ZNF462: variants seen among roughly 807,000 people sequenced by gnomAD.
ZNF462 encodes zinc finger protein 462, also known as zinc finger PBX1-interacting protein.
In ZNF462, 10 loss-of-function variants were observed where a neutral mutation model predicts 201.9. The ratio of observed to expected loss-of-function variants is 0.05; its 90% confidence interval spans 0.03 to 0.08. The LOEUF is 0.08. ZNF462 is among the 10% of genes least tolerant of loss of function. The pLI, the probability that ZNF462 is intolerant of heterozygous loss-of-function variation, is 1.00. For missense variants in ZNF462, 2,523 were observed against 3,168.3 expected, an observed-to-expected ratio of 0.80 and a Z score of 4.89; for synonymous variants, 1,227 against 1,193.3, an observed-to-expected ratio of 1.03 and a Z score of -0.58.
chr9:106,929,103 G>T lies in ZNF462; in HGVS notation c.5191G>T (p.Ala1731Ser). The change falls in exon 3 of 13, where the codon GCA becomes TCA. Residue 1731 changes from alanine to serine, a missense_variant. This residue lies in a region of ZNF462 where 207 missense variants were observed against 231.6 expected (regional missense o/e 0.89). Transcript: ENST00000277225. The surrounding 1 kb of genome is among the most constrained non-coding windows in gnomAD (Gnocchi z 8.7). ...TGATGCGTATTACACTCACTGCTTG[G>T]CAGCCTCCAGGACCATCAGCGACAA... ...DIDAYYTHCL[A>S]ASRTISDKPN... 6.2e-7 allele frequency: 1 copy of T among 1,614,080 alleles called. No homozygotes were observed. The highest frequency in any genetic ancestry group is 8.5e-7 in the Non-Finnish European group (1 of 1,180,012).
rs373119220 is a variant in ZNF462, at chr9:107,003,661, T to C, written c.7189+235T>C. Among the ~76,000 whole-genome samples, 13 of 152,164 alleles carry C rather than the reference T, an allele frequency of 8.5e-5. No individual in the cohort carries two copies. The highest frequency in any genetic ancestry group is 3.1e-4 in the African/African-American group (13 of 41,444). ...CTCCCTAATTATAGATATATGTTTG[T>C]TGAAAAATAGATGGCAGTGATTTGT... On this transcript the variant is annotated intron_variant, in intron 11 of 12. Transcript: ENST00000277225. The surrounding 1 kb of genome is among the most constrained non-coding windows in gnomAD (Gnocchi z 4.4).
In ZNF462 at chr9:106,962,192, A is replaced by C. The variant is rs1322901265; in HGVS notation, c.6428-9813A>C. 6.6e-6 allele frequency among the ~76,000 whole-genome samples: 1 copy of C among 152,096 alleles called. No homozygotes were observed. The highest frequency in any genetic ancestry group is 1.5e-5 in the Non-Finnish European group (1 of 67,980). On this transcript the variant is annotated intron_variant, in intron 7 of 12. Coordinates refer to ENST00000277225, the MANE Select transcript of ZNF462 (RefSeq NM_021224.6). The surrounding 1 kb of genome is among the most constrained non-coding windows in gnomAD (Gnocchi z 4.6). ...ATGTTGCAGTAGAAGTTCACACAGC[A>C]ACCACGAGGGCCTGAACAAAAGCCA... is the stretch of plus-strand genomic sequence containing the variant.
At chr9:106,980,343 C>T (rs1160775423) in intron 9 of ZNF462, among the ~76,000 whole-genome samples, 1 of 152,190 alleles carries the variant, frequency 6.6e-6, no homozygotes, top group African/African-American at 2.4e-5. Flanking sequence ...ACTCAGTCCT[C>T]TAGAGTGGCA....
chr9:106,897,411 T>G (rs539936527), intron 1 of ZNF462, among the ~76,000 whole-genome samples: 2 of 152,290 alleles, frequency 1.3e-5, no homozygotes, highest in East Asian at 1.9e-4. Context: ...CAAGATAACT[T>G]TGTCTACACT....
rs747154968 is a variant in ZNF462 at position 106,925,002 on chromosome 9, C to T, written c.1090C>T (p.Arg364Cys). Reference protein sequence around the residue: ...SGLVNLTERSRYGMTDMTNSS... With the variant: ...SGLVNLTERSCYGMTDMTNSS... ...TCTAGTTAACTTGACAGAGAGATCC[C>T]GTTATGGAATGACTGACATGACCAA... is the stretch of plus-strand genomic sequence containing the variant. Residue 364 changes from arginine (R) to cysteine (C), a missense_variant, in exon 3 of 13, where the codon CGT becomes TGT. Around this residue, in one of 15 missense-constraint regions of ZNF462, gnomAD observed 480 missense variants for 544.4 expected, o/e 0.88. Transcript: ENST00000277225. The surrounding 1 kb of genome is among the most constrained non-coding windows in gnomAD (Gnocchi z 7.9). 4.0e-5 allele frequency: 65 copies of T among 1,614,040 alleles called. No homozygotes were observed. The highest frequency in any genetic ancestry group is 5.2e-5 in the Non-Finnish European group (61 of 1,180,034).
At chr9:106,995,496 G>T (rs1828636990) in intron 10 of ZNF462, 1 of 152,040 alleles carries the variant, frequency 6.6e-6, no homozygotes, top group Non-Finnish European at 1.5e-5. Context: ...GACATATTTT[G>T]TGAGTAATTT....
At chr9:106,921,923 A>G (rs1830008863) in intron 1 of ZNF462, among the ~76,000 whole-genome samples, 1 of 152,130 alleles carries the variant, frequency 6.6e-6, no homozygotes, top group Non-Finnish European at 1.5e-5. Flanking sequence ...AAAAAGGATA[A>G]ATTGCTGGGT....
rs147072501 is a variant in ZNF462 at position 106,926,147 on chromosome 9, A to G, written c.2235A>G (p.Thr745=). The change falls in exon 3 of 13, where the codon ACA becomes ACG. Residue 745 remains threonine (T), a synonymous_variant. Transcript: ENST00000277225. This position sits in a 1 kb window ranked among gnomAD's most constrained non-coding sequence, Gnocchi z 7.9. ...EVELDREEEP[T]EPIIEVPTSF... ...AGTTGGACAGGGAGGAAGAACCGACAGAACCCATCATAGAGGTTCCCACTT... is the reference window on the plus strand; with the variant it reads ...AGTTGGACAGGGAGGAAGAACCGACGGAACCCATCATAGAGGTTCCCACTT... The G allele has an allele frequency of 1.1e-5, 17 of 1,614,102 alleles. No homozygotes were observed. In the African/African-American group the frequency reaches 1.7e-4, roughly 16 times the overall value.
chr9:106,993,391 A>G lies in ZNF462; in HGVS notation c.7056+8982A>G, dbSNP rs575712338. On this transcript the variant is annotated intron_variant, in intron 10 of 12. Coordinates refer to ENST00000277225, the MANE Select transcript of ZNF462 (RefSeq NM_021224.6). The surrounding 1 kb of genome is among the most constrained non-coding windows in gnomAD (Gnocchi z 4.0). The stretch of plus-strand genomic sequence containing the variant: ...CAGAAGCCAGAGTGCAAAAGGGATA[A>G]CCATCAGAACCCTCATTTTATAGGT... Among the ~76,000 whole-genome samples the G allele has an allele frequency of 6.6e-6, 1 of 152,154 alleles. No homozygotes were observed. The highest frequency in any genetic ancestry group is 1.5e-5 in the Non-Finnish European group (1 of 68,014).
At chr9:106,997,751 C>A (rs1054768412) in intron 10 of ZNF462, among the ~76,000 whole-genome samples, 4 of 152,104 alleles carry the variant, frequency 2.6e-5, no homozygotes, top group Admixed American at 6.6e-5. Context: ...GTTGAGTAGA[C>A]CACTTGGTAC....
At chr9:106,987,928 C>T (rs1827977226) in intron 10 of ZNF462, among the ~76,000 whole-genome samples, 1 of 152,088 alleles carries the variant, frequency 6.6e-6, no homozygotes. Flanking sequence ...GTGTCCTTTC[C>T]CCACTTCATG....
At chr9:106,916,975 T>C (rs1387735891) in intron 1 of ZNF462, among the ~76,000 whole-genome samples, 2 of 152,234 alleles carry the variant, frequency 1.3e-5, no homozygotes, top group Admixed American at 6.5e-5. Context: ...TCCCTTCTCT[T>C]CTTTTATCTC....
chr9:106,919,673 T>C lies in ZNF462; in HGVS notation c.-30-3681T>C, dbSNP rs76465986. On this transcript the variant is annotated intron_variant, in intron 1 of 12. Transcript: ENST00000277225. This position sits in a 1 kb window ranked among gnomAD's most constrained non-coding sequence, Gnocchi z 4.5. ...CAAACCAGCAACGAATAAGTAGTAC[T>C]AAAGGCAGTGACTAATTAGGATGGT... 1.1e-4 allele frequency among the ~76,000 whole-genome samples: 16 copies of C among 152,310 alleles called. 1 individual carries two copies. In the East Asian group the frequency reaches 2.9e-3, roughly 28 times the overall value.
Position 106,972,348 on chromosome 9 carries a change from C to A in ZNF462, c.6695+76C>A, listed in dbSNP as rs756396080. ...CACCCCTCACTGCAGGCTTCCCTTA[C>A]ACTTTCCTACTTGGAGCTTATGGGA... On this transcript the variant is annotated intron_variant, in intron 8 of 12. Coordinates refer to ENST00000277225, the MANE Select transcript of ZNF462 (RefSeq NM_021224.6). This position sits in a 1 kb window ranked among gnomAD's most constrained non-coding sequence, Gnocchi z 4.8. 6.5e-6 allele frequency: 10 copies of A among 1,543,954 alleles called. No individual in the cohort carries two copies. The highest frequency in any genetic ancestry group is 7.0e-6 in the Non-Finnish European group (8 of 1,145,644).
rs199963299 is a variant in ZNF462, at chr9:106,923,370, G to C, written c.-14G>C. 178 of 1,613,748 alleles carry C rather than the reference G, an allele frequency of 1.1e-4. 1 individual carries two copies. In the East Asian group the frequency reaches 1.5e-3, roughly 13 times the overall value. ...CTGCCACAGGTTCCTAATGTGAGAG[G>C]CTAGACCCAGATCATGGAGGTGCTT... On this transcript the variant is annotated 5_prime_UTR_variant, in exon 2 of 13. Coordinates refer to ENST00000277225, the MANE Select transcript of ZNF462 (RefSeq NM_021224.6). The surrounding 1 kb of genome is among the most constrained non-coding windows in gnomAD (Gnocchi z 5.6).
rs960042734 is a variant in ZNF462 at position 106,880,534 on chromosome 9, G to A, written c.-31+17179G>A. ...TAGCCACATCTCCTAACCCAAGTGTGGACTTTGTGTTTGTTTATGTTAAGT... is the reference window on the plus strand; with the variant it reads ...TAGCCACATCTCCTAACCCAAGTGTAGACTTTGTGTTTGTTTATGTTAAGT... On this transcript the variant is annotated intron_variant, in intron 1 of 12. Coordinates refer to ENST00000277225, the MANE Select transcript of ZNF462 (RefSeq NM_021224.6). The surrounding 1 kb of genome is among the most constrained non-coding windows in gnomAD (Gnocchi z 4.1). Among the ~76,000 whole-genome samples the A allele has an allele frequency of 4.6e-5, 7 of 152,178 alleles. No homozygotes were observed. The highest frequency in any genetic ancestry group is 1.7e-4 in the African/African-American group (7 of 41,428).
rs531958736 is a variant in ZNF462, at chr9:106,922,172, C to T, written c.-30-1182C>T. ...ATTACATCATAAAATACATTGGCTA[C>T]GGTGTTAGTTCTTGGACATCTGGTT... On this transcript the variant is annotated intron_variant, in intron 1 of 12. Coordinates refer to ENST00000277225, the MANE Select transcript of ZNF462 (RefSeq NM_021224.6). 9.9e-5 allele frequency among the ~76,000 whole-genome samples: 15 copies of T among 152,268 alleles called. No individual in the cohort carries two copies. The East Asian group carries it at 1.2e-3, about 12-fold the overall frequency.
rs751120561 is a variant in ZNF462 at position 106,932,409 on chromosome 9, T to C, written c.6013-37T>C. ...ATGAAACCCGGCCGGGGGGATACCA[T>C]TGCAGTCAATGTGACAGAGTCCTGA... On this transcript the variant is annotated intron_variant, in intron 4 of 12. Coordinates refer to ENST00000277225, the MANE Select transcript of ZNF462 (RefSeq NM_021224.6). The surrounding 1 kb of genome is among the most constrained non-coding windows in gnomAD (Gnocchi z 6.8). The C allele has an allele frequency of 2.5e-6, 4 of 1,614,158 alleles. No homozygotes were observed.
chr9:106,860,966 C>T (rs1350834998), upstream of ZNF462, among the ~76,000 whole-genome samples: 1 of 152,072 alleles, frequency 6.6e-6, no homozygotes, highest in Non-Finnish European at 1.5e-5. This position sits in a 1 kb window ranked among gnomAD's most constrained non-coding sequence, Gnocchi z 7.1. Context: ...CGGTGACTCC[C>T]GTTCCCCTTT....
Sources: gnomAD v4.1 joint callset for allele counts (sites outside exome capture counted in the v4.1 genomes callset) on GRCh38, gnomAD v4.1.1 for gene constraint, gnomAD v4.1.1 regional missense constraint, Gnocchi (gnomAD v3.1) non-coding constraint, MANE v1.5 for transcripts, NCBI Gene and HGNC (gene_info 2026-07-23, HGNC 2026-07-21) for gene names.